The following ENPP3 variants were observed in gnomAD, a reference collection of about 807,000 sequenced individuals.
ENPP3 encodes ectonucleotide pyrophosphatase/phosphodiesterase family member 3.
ENPP3 carries 104 observed loss-of-function variants against 117.8 expected under a neutral mutation model. The observed-to-expected ratio is 0.88, with a 90% CI of 0.75 to 1.04. The LOEUF (loss-of-function observed/expected upper bound fraction) is 1.04, where lower values mean the gene tolerates loss of function less well. Ranked by LOEUF, ENPP3 falls within the 50% of genes least tolerant of loss-of-function variation. The probability of loss-of-function intolerance (pLI) is 0.00; values close to 1 mark genes in which losing one functional copy is unlikely to be tolerated. For synonymous variants in ENPP3, 380 were observed against 349.9 expected (o/e 1.09, Z -0.96); for missense variants, 1,026 against 1,051.9 (o/e 0.98, Z 0.34).
chr6:131,674,317 C>A, intron 8 of ENPP3, 36 bp downstream of exon 8: 1 of 1,604,098 alleles, frequency 6.2e-7, no homozygotes, highest in Non-Finnish European at 8.5e-7. Context: ...CTGAAGTAAC[C>A]TCCATTTCTC....
chr6:131,729,413 C>G (rs965132675), intron 20 of ENPP3, among the ~76,000 whole-genome samples: 3 of 152,172 alleles, frequency 2.0e-5, no homozygotes, highest in African/African-American at 7.2e-5. Flanking sequence ...ATAATTTTAT[C>G]CTCTGTTCAG....
rs755867282 is a variant in ENPP3, at chr6:131,675,143, G to C, written c.826G>C (p.Val276Leu). 6.2e-7 allele frequency: 1 copy of C among 1,613,628 alleles called. No homozygotes were observed. Among genetic ancestry groups the C allele is most frequent in the African/African-American group, 1.3e-5 (1 of 74,906 alleles). Residue 276 changes from valine to leucine, a missense_variant, in exon 9 of 25, where the codon GTG (valine) becomes CTG (leucine). Coordinates refer to ENST00000357639, the MANE Select transcript of ENPP3 (RefSeq NM_005021.5). ...AATYFWPGSE[V>L]AINGSFPSIY... ...TACCTACTTTTGGCCCGGATCAGAA[G>C]TGGCTATAAATGGCTCCTTTCCTTC...
chr6:131,719,884 A>G (rs1431835592), intron 16 of ENPP3, among the ~76,000 whole-genome samples: 3 of 152,326 alleles, frequency 2.0e-5, no homozygotes, highest in East Asian at 3.9e-4. Context: ...ATTTTGTGTC[A>G]TGTTAACATA....
At chr6:131,721,689 T>C (rs889513846) in intron 17 of ENPP3, among the ~76,000 whole-genome samples, 6 of 152,068 alleles carry the variant, frequency 3.9e-5, no homozygotes, top group African/African-American at 1.4e-4. Context: ...TTTTTAAAAG[T>C]GTCTATCTTT....
At chr6:131,745,570 CAT>C (rs1235808649) in intron 24 of ENPP3, among the ~76,000 whole-genome samples, 1 of 151,820 alleles carries the variant, frequency 6.6e-6, no homozygotes, top group East Asian at 1.9e-4. Flanking sequence ...CATAGAAACC[CAT>C]GTTTCTAAAT....
chr6:131,717,620 G>C (rs945614846), intron 15 of ENPP3, among the ~76,000 whole-genome samples: 2 of 151,940 alleles, frequency 1.3e-5, no homozygotes, highest in African/African-American at 4.8e-5. Flanking sequence ...ATTCAAAACA[G>C]TATTAAAATG....
Position 131,738,123 on chromosome 6 carries a change from A to G in ENPP3, c.2260A>G (p.Asn754Asp). The G allele has an allele frequency of 6.2e-7, 1 of 1,610,764 alleles. No homozygotes were observed. The highest frequency in any genetic ancestry group is 8.5e-7 in the Non-Finnish European group (1 of 1,177,970). The change falls in exon 23 of 25, where the codon AAT (asparagine) becomes GAT (aspartate). Residue 754 changes from asparagine to aspartate, a missense_variant. Coordinates refer to ENST00000357639, the MANE Select transcript of ENPP3 (RefSeq NM_005021.5). ...NVVSGPIFDY[N>D]YDGHFDAPDE... ...GGTTAGTGGACCAATATTTGATTAT[A>G]ATTATGATGGCCATTTTGATGCTCC...
intron 7 of ENPP3, among the ~76,000 whole-genome samples, chr6:131,671,768 C>A (rs1032877078): frequency 6.6e-6 from 1 of 152,038 alleles, no homozygotes; most frequent in Admixed American, 6.5e-5. Context: ...CTGTCTACAT[C>A]TCTTTAGATA....
intron 15 of ENPP3, among the ~76,000 whole-genome samples, chr6:131,699,235 C>CAAAAAAAAAAAAAAAAAAAAAAAAAAAAA (rs4053087): frequency 9.3e-6 from 1 of 107,976 alleles, no homozygotes; most frequent in African/African-American, 3.9e-5. Flanking sequence ...AAGACTGTCT[C>CAAAAAAAAAAAAAAAAAAAAAAAAAAAAA]AAAAAAAAAA....
In ENPP3 at chr6:131,722,424, C is replaced by T; in HGVS notation, c.1746+19C>T. 4 of 1,606,292 alleles carry T rather than the reference C, an allele frequency of 2.5e-6. No homozygotes were observed. The highest frequency in any genetic ancestry group is 1.7e-4 in the Middle Eastern group (1 of 6,036). On this transcript the variant is annotated intron_variant, in intron 18 of 24. Coordinates refer to ENST00000357639, the MANE Select transcript of ENPP3 (RefSeq NM_005021.5). ...ACAAAATGTAAGTAACAACTTCATG[C>T]ATCCATAAGAACGTAAAGGGGCAAG...
chr6:131,696,737 CT>C (rs1375597721), intron 15 of ENPP3, among the ~76,000 whole-genome samples: 1 of 150,396 alleles, frequency 6.6e-6, no homozygotes, highest in South Asian at 2.1e-4. Context: ...TCAAAGGCAC[CT>C]TTTTTTCTCT....
intron 5 of ENPP3, among the ~76,000 whole-genome samples, chr6:131,654,510 A>G (rs539821295): frequency 6.6e-6 from 1 of 151,660 alleles, no homozygotes; most frequent in East Asian, 1.9e-4. Flanking sequence ...TGGCGTGATC[A>G]TGACTCATAG....
intron 2 of ENPP3, among the ~76,000 whole-genome samples, chr6:131,647,163 T>G (rs879814874): frequency 6.6e-6 from 1 of 152,082 alleles, no homozygotes; most frequent in Non-Finnish European, 1.5e-5. Context: ...CATGAGCCAC[T>G]GCACCAGGCC....
chr6:131,687,159 C>G (rs1373839666), intron 14 of ENPP3, among the ~76,000 whole-genome samples: 1 of 152,184 alleles, frequency 6.6e-6, no homozygotes, highest in Non-Finnish European at 1.5e-5. Context: ...CCTTTCTCTG[C>G]AGCCTCACCA....
chr6:131,677,618 G>T (rs900477556), intron 10 of ENPP3, among the ~76,000 whole-genome samples: 2 of 152,172 alleles, frequency 1.3e-5, no homozygotes, highest in African/African-American at 4.8e-5. Context: ...GGTCTTAACT[G>T]CAAGAACAAA....
chr6:131,652,860 G>A lies in ENPP3; in HGVS notation c.433G>A (p.Asp145Asn). Residue 145 changes from aspartate (D) to asparagine (N), a missense_variant, in exon 5 of 25, where the codon GAC becomes AAC. Asp to Asn is a conservative substitution (Grantham distance 23). Transcript: ENST00000357639. ...AACCTCATGGCTGGAAGAAAACTGT[G>A]ACACAGCCCAGCAGTCTCAGTGCCC... ...GETSWLEENC[D>N]TAQQSQCPEG... 1 of 1,613,674 alleles carries A rather than the reference G, an allele frequency of 6.2e-7. No homozygotes were observed.
chr6:131,733,785 T>A, intron 21 of ENPP3, 62 bp downstream of exon 21: 1 of 1,569,568 alleles, frequency 6.4e-7, no homozygotes, highest in Non-Finnish European at 8.7e-7. Flanking sequence ...GATGTGGGCA[T>A]GTGCCTTAAA....
At chr6:131,730,653 C>T (rs906875000) in intron 20 of ENPP3, among the ~76,000 whole-genome samples, 1 of 152,174 alleles carries the variant, frequency 6.6e-6, no homozygotes, top group African/African-American at 2.4e-5. Flanking sequence ...CAGTGGCTCA[C>T]GCCTGTAATC....
intron 6 of ENPP3, among the ~76,000 whole-genome samples, chr6:131,659,670 G>T (rs368038089): frequency 6.6e-6 from 1 of 152,104 alleles, no homozygotes; most frequent in South Asian, 2.1e-4. Flanking sequence ...GCAACTCAAG[G>T]TGCATTGTTT....
Sources: allele counts gnomAD v4.1 joint callset (sites outside exome capture counted in the v4.1 genomes callset), GRCh38; gene constraint gnomAD v4.1.1; transcripts MANE v1.5; gene names NCBI Gene and HGNC (gene_info 2026-07-23, HGNC 2026-07-21).